WNK1: variants seen among roughly 807,000 people sequenced by gnomAD.
WNK1 encodes the protein WNK lysine deficient protein kinase 1.
WNK1 carries 38 observed loss-of-function variants against 222.8 expected under a neutral mutation model. That is an observed-to-expected ratio of 0.17 (90% CI 0.13 to 0.22). WNK1 has a LOEUF of 0.22. Ranked by LOEUF, WNK1 falls within the 10% of genes least tolerant of loss-of-function variation. WNK1 has a pLI of 1.00. For synonymous variants in WNK1, 1,090 were observed against 1,092.9 expected (o/e 1.00, Z 0.05); for missense variants, 2,348 against 2,918.4 (o/e 0.80, Z 4.50).
At chr12:771,120 C>T (rs552269287) in intron 1 of WNK1, among the ~76,000 whole-genome samples, 1 of 152,206 alleles carries the variant, frequency 6.6e-6, no homozygotes, top group East Asian at 1.9e-4. Context: ...GCCTCTGCCT[C>T]CTGATTAGCT....
chr12:810,195 A>C (rs10849562), intron 1 of WNK1, among the ~76,000 whole-genome samples: 113,885 of 151,664 alleles, frequency 0.75, 42,889 homozygotes, highest in East Asian at 0.87. Context: ...TGCAGTGAGC[A>C]GAGATTGTGT....
At chr12:758,837 A>C (rs1940602452) in intron 1 of WNK1, among the ~76,000 whole-genome samples, 1 of 146,910 alleles carries the variant, frequency 6.8e-6, no homozygotes, top group South Asian at 2.2e-4. Flanking sequence ...GACCCGTAGT[A>C]ACACAGTCTG....
intron 1 of WNK1, among the ~76,000 whole-genome samples, chr12:761,570 G>C (rs1364622770): frequency 6.8e-6 from 1 of 147,758 alleles, no homozygotes; most frequent in African/African-American, 2.4e-5. Flanking sequence ...GTGGTAGATG[G>C]TCTAGTTAAC....
chr12:834,294 G>T (rs963735116), intron 4 of WNK1, among the ~76,000 whole-genome samples: 1 of 152,178 alleles, frequency 6.6e-6, no homozygotes, highest in African/African-American at 2.4e-5. Flanking sequence ...TCTCATCTCA[G>T]AGCAGAGAGT....
In WNK1 at chr12:908,582, A is replaced by G; in HGVS notation, c.6939A>G (p.Leu2313=). 6.2e-7 allele frequency: 1 copy of G among 1,614,054 alleles called. No individual in the cohort carries two copies. The highest frequency in any genetic ancestry group is 8.5e-7 in the Non-Finnish European group (1 of 1,180,006). Residue 2313 remains leucine, a synonymous_variant, in exon 28 of 28, where the codon CTA becomes CTG. Transcript: ENST00000315939. ...TCTCTGCAGCATCAGCTACCTCTCT[A>G]GGTCACTTCACCAAGTCTATGTGCC... The part of the protein sequence containing the change: ...APISAASATS[L]GHFTKSMCPP...
chr12:772,431 G>GTGTGTGTGTGTGTATGTATGTA (rs1942633802), intron 1 of WNK1, among the ~76,000 whole-genome samples: 2 of 151,188 alleles, frequency 1.3e-5, no homozygotes, highest in Non-Finnish European at 2.9e-5. Context: ...GTGTATGTAT[G>GTGTGTGTGTGTGTATGTATGTA]TGTGTGTGTG....
chr12:805,715 T>C (rs984871304), intron 1 of WNK1, among the ~76,000 whole-genome samples: 53 of 152,150 alleles, frequency 3.5e-4, no homozygotes, highest in African/African-American at 1.2e-3. Flanking sequence ...AAACTACCTA[T>C]AGTCAAAATT....
intron 1 of WNK1, among the ~76,000 whole-genome samples, chr12:807,118 TG>T (rs1249500971): frequency 7.0e-6 from 1 of 143,790 alleles, no homozygotes; most frequent in Non-Finnish European, 1.5e-5. Context: ...TGTGGCGGGG[TG>T]GGGGGTTGGT....
At chr12:901,608 G>C in intron 26 of WNK1, 1 of 1,289,114 alleles carries the variant, frequency 7.8e-7, no homozygotes, top group Non-Finnish European at 1.0e-6. Flanking sequence ...ATTCAAACCT[G>C]GTGGCAGGAG....
Position 753,315 on chromosome 12 carries a change from C to G in WNK1, c.-251C>G. ...TGCGGCGCTAACCCCCGTGGCTCAG[C>G]TCCCGAATCGCCCGCCTTCGAGCCC... is the stretch of plus-strand genomic sequence containing the variant. On this transcript the variant is annotated 5_prime_UTR_variant, in exon 1 of 28. Coordinates refer to ENST00000315939, the MANE Select transcript of WNK1 (RefSeq NM_018979.4). The surrounding 1 kb of genome is among the most constrained non-coding windows in gnomAD (Gnocchi z 5.2). 2 of 560,962 alleles carry G rather than the reference C, an allele frequency of 3.6e-6. No individual in the cohort carries two copies. The highest frequency in any genetic ancestry group is 3.1e-5 in the East Asian group (1 of 31,810). The allele number at this position is 560,962 out of a possible 1,614,324, so 34.7% of individuals were successfully genotyped here. A position where few individuals can be genotyped will look rare whatever the true frequency, so the allele number is the denominator to read the frequency against.
At chr12:863,694 C>T (rs1951391960) in intron 8 of WNK1, among the ~76,000 whole-genome samples, 2 of 152,020 alleles carry the variant, frequency 1.3e-5, no homozygotes, top group Admixed American at 6.6e-5. Context: ...TAAAAGCAGA[C>T]GTTCTTGCTT....
intron 2 of WNK1, 108 bp downstream of exon 2, chr12:813,922 C>G: frequency 8.6e-7 from 1 of 1,163,880 alleles, no homozygotes; most frequent in Non-Finnish European, 1.2e-6. Context: ...AAGAAGGGAA[C>G]AGTCCTTCCA....
intron 1 of WNK1, among the ~76,000 whole-genome samples, chr12:782,920 C>T (rs2153969894): frequency 6.6e-6 from 1 of 150,690 alleles, no homozygotes; most frequent in Non-Finnish European, 1.5e-5. Flanking sequence ...TTTTCTGAGA[C>T]AGGGTCTTGC....
At chr12:817,341 TAAAAATG>T (rs1205124795) in intron 2 of WNK1, among the ~76,000 whole-genome samples, 3 of 150,640 alleles carry the variant, frequency 2.0e-5, no homozygotes, top group African/African-American at 7.3e-5. Context: ...ATCTCAAAAA[TAAAAATG>T]AAAAAGTAGA....
intron 1 of WNK1, among the ~76,000 whole-genome samples, chr12:791,509 T>C (rs1443430389): frequency 6.6e-6 from 1 of 152,074 alleles, no homozygotes; most frequent in Non-Finnish European, 1.5e-5. Context: ...CATTCTCTTC[T>C]AGGTTTCAGC....
intron 23 of WNK1, among the ~76,000 whole-genome samples, chr12:895,434 ACTTTT>A (rs1954651260): frequency 6.6e-6 from 1 of 151,824 alleles, no homozygotes; most frequent in Non-Finnish European, 1.5e-5. Context: ...TTATTTATTT[ACTTTT>A]ATTTTATTTT....
intron 4 of WNK1, 127 bp downstream of exon 4, chr12:830,287 G>T (rs1049577221): frequency 9.2e-6 from 10 of 1,090,148 alleles, no homozygotes; most frequent in Non-Finnish European, 1.2e-5. Context: ...GTTGGGGTTG[G>T]GGGGGTGGTG....
chr12:779,397 G>GTTTTTTTTTTTCTTTTTTTTTTTTTTT (rs1943447378), intron 1 of WNK1, among the ~76,000 whole-genome samples: 1 of 124,272 alleles, frequency 8.0e-6, no homozygotes, highest in Non-Finnish European at 1.7e-5. Flanking sequence ...TTTCTTTTCT[G>GTTTTTTTTTTTCTTTTTTTTTTTTTTT]TTTTTTTTTT....
In WNK1 at chr12:867,861, T is replaced by TA. The variant is rs1258146307; in HGVS notation, c.2140-3403dup. On this transcript the variant is annotated intron_variant, in intron 8 of 27. Coordinates refer to ENST00000315939, the MANE Select transcript of WNK1 (RefSeq NM_018979.4). Reference sequence around the variant, plus strand: ...GAATTACTTGTCTTATTCATGTTGATACAGCCTCAGTCCATGGCGCATCCG... The same window carrying TA: ...GAATTACTTGTCTTATTCATGTTGATAACAGCCTCAGTCCATGGCGCATCCG... The TA allele has an allele frequency of 1.9e-5, 31 of 1,613,710 alleles. No homozygotes were observed. Among genetic ancestry groups the TA allele is most frequent in the Non-Finnish European group, 2.5e-5 (30 of 1,179,708 alleles).
Sources: allele counts gnomAD v4.1 joint callset (sites outside exome capture counted in the v4.1 genomes callset), GRCh38; gene constraint gnomAD v4.1.1; non-coding constraint Gnocchi (gnomAD v3.1); transcripts MANE v1.5; gene names NCBI Gene and HGNC (gene_info 2026-07-23, HGNC 2026-07-21).